Variants in PIBF1 observed in about 807,000 individuals in gnomAD.
PIBF1 encodes progesterone immunomodulatory binding factor 1.
Under a neutral mutation model 112.5 loss-of-function variants are expected in PIBF1, and 90 were observed. The ratio of observed to expected loss-of-function variants is 0.80; its 90% CI spans 0.67 to 0.95. The LOEUF (loss-of-function observed/expected upper bound fraction) is 0.95. Ranked by LOEUF, PIBF1 falls within the 40% of genes least tolerant of loss-of-function variation. The pLI, the probability that PIBF1 is intolerant of heterozygous loss-of-function variation, is 0.00. For missense variants in PIBF1, 915 were observed against 852.3 expected, an observed-to-expected ratio of 1.07 and a Z score of -0.92; for synonymous variants, 301 against 288.6, an observed-to-expected ratio of 1.04 and a Z score of -0.44.
chr13:72,831,684 A>G (rs1239256637), intron 8 of PIBF1, among the ~76,000 whole-genome samples: 8 of 152,116 alleles, frequency 5.3e-5, no homozygotes, highest in Non-Finnish European at 1.2e-4. Flanking sequence ...TTTACTTCCT[A>G]TTATGTGGTC....
intron 16 of PIBF1, among the ~76,000 whole-genome samples, chr13:72,997,393 C>T (rs990022968): frequency 1.3e-5 from 2 of 152,074 alleles, no homozygotes; most frequent in Non-Finnish European, 2.9e-5. Context: ...CCAAATGGCC[C>T]AGATAATCAT....
intron 17 of PIBF1, among the ~76,000 whole-genome samples, chr13:73,004,736 G>A (rs1318977478): frequency 6.6e-6 from 1 of 152,190 alleles, no homozygotes; most frequent in Non-Finnish European, 1.5e-5. Context: ...GAGACAGAAA[G>A]TAGAGTGGTG....
At chr13:72,883,300 T>C (rs2039716624) in intron 10 of PIBF1, among the ~76,000 whole-genome samples, 1 of 152,018 alleles carries the variant, frequency 6.6e-6, no homozygotes, top group African/African-American at 2.4e-5. Context: ...GCTGAACTCA[T>C]AGAGATAGAA....
chr13:72,869,178 A>G lies in PIBF1; in HGVS notation c.1322+15023A>G, dbSNP rs1404429734. On this transcript the variant is annotated intron_variant, in intron 10 of 17. Coordinates refer to ENST00000326291, the MANE Select transcript of PIBF1 (RefSeq NM_006346.4). The stretch of plus-strand genomic sequence containing the variant: ...AGACACATGCACACGTATGTTTATC[A>G]CGGCATTATTCACAATAGCAAAGAC... Among the ~76,000 whole-genome samples the G allele has an allele frequency of 5.3e-5, 8 of 152,268 alleles. No individual in the cohort carries two copies. The South Asian group carries it at 1.7e-3, about 32-fold the overall frequency.
chr13:72,853,916 GC>G, intron 9 of PIBF1, 140 bp from the exon 10 acceptor site: 1 of 614,558 alleles, frequency 1.6e-6, no homozygotes. Context: ...ACTCAACCAA[GC>G]CAAGCAGGTT....
intron 10 of PIBF1, among the ~76,000 whole-genome samples, chr13:72,879,488 G>A (rs2039535990): frequency 6.6e-6 from 1 of 152,130 alleles, no homozygotes; most frequent in African/African-American, 2.4e-5. Context: ...TTAGTAAAAG[G>A]AAGTCATCAA....
At chr13:72,815,785 C>T (rs750044184) in intron 5 of PIBF1, among the ~76,000 whole-genome samples, 1 of 152,184 alleles carries the variant, frequency 6.6e-6, no homozygotes, top group Non-Finnish European at 1.5e-5. Flanking sequence ...CCCACATCAG[C>T]CGCTTGAGTA....
intron 14 of PIBF1, among the ~76,000 whole-genome samples, chr13:72,954,435 A>G (rs2042385129): frequency 6.6e-6 from 1 of 152,202 alleles, no homozygotes; most frequent in African/African-American, 2.4e-5. Context: ...TGCGAATCTC[A>G]GGAGCTCTTT....
intron 10 of PIBF1, among the ~76,000 whole-genome samples, chr13:72,865,578 T>G (rs1279653051): frequency 6.6e-6 from 1 of 152,168 alleles, no homozygotes; most frequent in Non-Finnish European, 1.5e-5. Context: ...TTTTTAACAC[T>G]TTAAAAGTTC....
intron 9 of PIBF1, among the ~76,000 whole-genome samples, chr13:72,838,564 A>G (rs965434242): frequency 3.3e-5 from 5 of 152,226 alleles, no homozygotes; most frequent in Non-Finnish European, 5.9e-5. Flanking sequence ...AAAGTGGCAT[A>G]CAGAAATCAG....
At chr13:72,877,355 G>A (rs1199197486) in intron 10 of PIBF1, among the ~76,000 whole-genome samples, 2 of 152,100 alleles carry the variant, frequency 1.3e-5, no homozygotes, top group East Asian at 1.9e-4. Context: ...TTCTTGTAAT[G>A]TCGTTGTCTG....
chr13:72,956,709 C>G (rs1326896686), intron 14 of PIBF1, among the ~76,000 whole-genome samples: 2 of 152,078 alleles, frequency 1.3e-5, no homozygotes, highest in Non-Finnish European at 2.9e-5. Flanking sequence ...TGTAGGTGTC[C>G]CTCGGGTGCC....
At position 72,893,924 on chromosome 13, in the gene PIBF1, G is replaced by A. The variant is rs750536674; in HGVS notation, c.1463G>A (p.Cys488Tyr). Residue 488 changes from cysteine to tyrosine, a missense_variant, in exon 11 of 18, where the codon TGT becomes TAT. Physicochemically the swap from Cys to Tyr is radical, Grantham distance 194. Coordinates refer to ENST00000326291, the MANE Select transcript of PIBF1 (RefSeq NM_006346.4). ...ARNLTQCQLE[C>Y]EKYQKKLEVL... ...AATCTCACACAGTGTCAATTGGAAT[G>A]TGAAAAATATCAGAAAAAATTGGAG... 6.9e-6 allele frequency: 11 copies of A among 1,601,848 alleles called. No individual in the cohort carries two copies. In the African/African-American group the frequency reaches 8.1e-5, roughly 12 times the overall value.
chr13:72,810,519 T>G (rs1007969556), intron 5 of PIBF1, among the ~76,000 whole-genome samples: 2 of 152,234 alleles, frequency 1.3e-5, no homozygotes, highest in African/African-American at 4.8e-5. Context: ...AGTATTCATA[T>G]GTAAGTAATT....
chr13:72,792,437 CT>C lies in PIBF1; in HGVS notation c.253-7del. On this transcript the variant is annotated splice_polypyrimidine_tract_variant and intron_variant, in intron 2 of 17. Transcript: ENST00000326291. ...CAAATCATATAATTTATCTTTTTCTCTTTACGAAGATTGAAGAATTGGAGGA... is the reference window on the plus strand; with the variant it reads ...CAAATCATATAATTTATCTTTTTCTCTTACGAAGATTGAAGAATTGGAGGA... 1 of 1,455,164 alleles carries C rather than the reference CT, an allele frequency of 6.9e-7. No homozygotes were observed. The highest frequency in any genetic ancestry group is 2.2e-5 in the Admixed American group (1 of 44,566). The allele number at this position is 1,455,164 out of a possible 1,614,324, so 90.1% of individuals were successfully genotyped here.
chr13:72,829,302 T>G (rs1485159264), intron 8 of PIBF1, among the ~76,000 whole-genome samples: 4 of 152,218 alleles, frequency 2.6e-5, no homozygotes, highest in African/African-American at 9.6e-5. Flanking sequence ...ATTTGTCAAT[T>G]TTGGCTTTTG....
chr13:72,836,934 G>T (rs1000374996), intron 9 of PIBF1, among the ~76,000 whole-genome samples: 1 of 151,980 alleles, frequency 6.6e-6, no homozygotes, highest in Non-Finnish European at 1.5e-5. Context: ...GAACACAAAA[G>T]AAATCATTCA....
chr13:72,952,397 C>A (rs780820359), intron 14 of PIBF1, among the ~76,000 whole-genome samples: 16 of 151,902 alleles, frequency 1.1e-4, no homozygotes, highest in Admixed American at 5.9e-4. Context: ...TCTCTCATAT[C>A]TCCTTGAGTA....
In PIBF1 at chr13:72,853,544, A is replaced by G. The variant is rs538405278; in HGVS notation, c.1224-513A>G. ...GGACCTCTAATTCTTTGTCCCTTCT[A>G]CTTTCTCCTGTCTGTCAACCTGTGT... On this transcript the variant is annotated intron_variant, in intron 9 of 17. Coordinates refer to ENST00000326291, the MANE Select transcript of PIBF1 (RefSeq NM_006346.4). Among the ~76,000 whole-genome samples the G allele has an allele frequency of 5.3e-5, 8 of 152,120 alleles. No homozygotes were observed. The South Asian group carries it at 1.5e-3, about 28-fold the overall frequency.
Sources: allele counts gnomAD v4.1 joint callset (sites outside exome capture counted in the v4.1 genomes callset), GRCh38; gene constraint gnomAD v4.1.1; transcripts MANE v1.5; gene names NCBI Gene and HGNC (gene_info 2026-07-23, HGNC 2026-07-21).